The following ZNF518B variants were observed in gnomAD, a reference collection of about 807,000 sequenced individuals.
ZNF518B encodes the protein zinc finger protein 518B.
A neutral mutation model predicts 56.3 loss-of-function variants in ZNF518B; 23 were observed. That is an observed-to-expected ratio of 0.41 (90% CI 0.29 to 0.58). The LOEUF is 0.58. Among genes scored for constraint, ZNF518B ranks in the 20% least tolerant of loss-of-function variants. The pLI is 0.32. For missense variants in ZNF518B, 1,460 were observed against 1,272.1 expected, an observed-to-expected ratio of 1.15 and a Z score of -2.25; for synonymous variants, 529 against 465.9, an observed-to-expected ratio of 1.14 and a Z score of -1.74.
chr4:10,444,115 C>A lies in ZNF518B; in HGVS notation c.2214G>T (p.Gln738His). 1 of 1,614,218 alleles carries A rather than the reference C, an allele frequency of 6.2e-7. No homozygotes were observed. Among genetic ancestry groups the A allele is most frequent in the Non-Finnish European group, 8.5e-7 (1 of 1,180,042 alleles). ...GTGGATATATTTGTTGATGAGTAAG[C>A]TGTCTATTACCAGTAATACCACCAT... ...PNDGGITGNR[Q>H]LTHQQIYPHF... The change falls in exon 3 of 3, where the codon CAG becomes CAT. Residue 738 changes from glutamine to histidine, a missense_variant. Gln to His is a conservative substitution (Grantham distance 24, BLOSUM62 0). Transcript: ENST00000326756.
At chr4:10,454,127 G>A (rs1281739032) in intron 2 of ZNF518B, 1 of 152,192 alleles carries the variant, frequency 6.6e-6, no homozygotes, top group Non-Finnish European at 1.5e-5. Context: ...TAGTAATATC[G>A]ACATCCTTGT....
chr4:10,449,069 T>C (rs1223222156), intron 2 of ZNF518B, among the ~76,000 whole-genome samples: 2 of 152,152 alleles, frequency 1.3e-5, no homozygotes, highest in East Asian at 3.8e-4. Context: ...ATCAATATAG[T>C]CATGTCAACA....
In ZNF518B at chr4:10,445,780, T is replaced by A; in HGVS notation, c.549A>T (p.Lys183Asn). The A allele has an allele frequency of 6.2e-7, 1 of 1,614,216 alleles. No homozygotes were observed. Among genetic ancestry groups the A allele is most frequent in the Non-Finnish European group, 8.5e-7 (1 of 1,180,030 alleles). ...TKGEFQRHLV[K>N]HTGIFPYQCE... ...ACTGATAAGGAAATATGCCTGTGTG[T>A]TTCACCAAATGCCTCTGAAACTCTC... is the stretch of plus-strand genomic sequence containing the variant. Residue 183 changes from lysine (K) to asparagine (N), a missense_variant, in exon 3 of 3, where the codon AAA (lysine) becomes AAT (asparagine). Transcript: ENST00000326756.
In ZNF518B at chr4:10,441,761, GTAGATAAA is replaced by G. The variant is rs1167798043; in HGVS notation, c.*1335_*1342del. ...GCCTTTTTCTAAAGAACACAAATGT[GTAGATAAA>G]TGACAGTCCTGACATCTGTTGGTAG... On this transcript the variant is annotated 3_prime_UTR_variant, in exon 3 of 3. Coordinates refer to ENST00000326756, the MANE Select transcript of ZNF518B (RefSeq NM_053042.3). The G allele has an allele frequency of 6.6e-6, 1 of 152,256 alleles. No homozygotes were observed. Among genetic ancestry groups the G allele is most frequent in the Non-Finnish European group, 1.5e-5 (1 of 68,060 alleles). 9.4% of individuals were successfully genotyped at this position (152,256 alleles called of 1,614,324 possible). A position where few individuals can be genotyped will look rare whatever the true frequency, so the allele number is the denominator to read the frequency against.
At position 10,443,364 on chromosome 4, in the gene ZNF518B, G is replaced by C; in HGVS notation, c.2965C>G (p.His989Asp). The C allele has an allele frequency of 6.2e-7, 1 of 1,614,236 alleles. No homozygotes were observed. The highest frequency in any genetic ancestry group is 1.1e-5 in the South Asian group (1 of 91,086). The stretch of plus-strand genomic sequence containing the variant: ...GCATTCTGGTAGGTCAGGCGTACAT[G>C]ATGCCGTCTGATGCCTAGCTGACAC... ...TRCQLGIRRHHVRLTYQNAEE... is the reference protein window; with the variant it reads ...TRCQLGIRRHDVRLTYQNAEE... The change falls in exon 3 of 3, where the codon CAT becomes GAT. Residue 989 changes from histidine to aspartate, a missense_variant. Transcript: ENST00000326756.
Position 10,446,388 on chromosome 4 carries a change from C to A in ZNF518B, c.-60G>T. The A allele has an allele frequency of 6.7e-7, 1 of 1,494,360 alleles. No individual in the cohort carries two copies. The highest frequency in any genetic ancestry group is 9.2e-7 in the Non-Finnish European group (1 of 1,087,714). 92.6% of individuals were successfully genotyped at this position (1,494,360 alleles called of 1,614,324 possible). On this transcript the variant is annotated 5_prime_UTR_variant, in exon 3 of 3. Coordinates refer to ENST00000326756, the MANE Select transcript of ZNF518B (RefSeq NM_053042.3). The stretch of plus-strand genomic sequence containing the variant: ...TCAGAAAGTTTTCACATGATAAAAT[C>A]CTTAGGAGATATCCTTCTATACAGT...
At position 10,444,719 on chromosome 4, in the gene ZNF518B, C is replaced by A; in HGVS notation, c.1610G>T (p.Cys537Phe). 6.2e-7 allele frequency: 1 copy of A among 1,614,122 alleles called. No homozygotes were observed. The highest frequency in any genetic ancestry group is 8.5e-7 in the Non-Finnish European group (1 of 1,180,006). ...TAAGCCCTTTTCTCCAGAGAAGGAA[C>A]AGGTTGCAGGTGATGCAGCAAATGG... ...LLPFAASPATCSFSGEKGLLP... is the reference protein window; with the variant it reads ...LLPFAASPATFSFSGEKGLLP... The change falls in exon 3 of 3, where the codon TGT (cysteine) becomes TTT (phenylalanine). Residue 537 changes from cysteine to phenylalanine, a missense_variant. Cys to Phe is a radical substitution (Grantham distance 205, BLOSUM62 -2). Coordinates refer to ENST00000326756, the MANE Select transcript of ZNF518B (RefSeq NM_053042.3).
chr4:10,447,132 G>A (rs1715093402), intron 2 of ZNF518B, among the ~76,000 whole-genome samples: 1 of 152,126 alleles, frequency 6.6e-6, no homozygotes, highest in Non-Finnish European at 1.5e-5. Context: ...CTATGTGCTG[G>A]GCATTATTCA....
rs756462159 is a variant in ZNF518B at position 10,440,210 on chromosome 4, T to C, written c.*2894A>G. The stretch of plus-strand genomic sequence containing the variant: ...TCAACAGACAGCAGGTGGCCCTTAA[T>C]GAAGGCTTACAAGATGTTCTCGACT... On this transcript the variant is annotated 3_prime_UTR_variant, in exon 3 of 3. Coordinates refer to ENST00000326756, the MANE Select transcript of ZNF518B (RefSeq NM_053042.3). The C allele has an allele frequency of 6.6e-6, 1 of 152,266 alleles. No individual in the cohort carries two copies. The allele number at this position is 152,266 out of a possible 1,614,324, so 9.4% of individuals were successfully genotyped here.
At position 10,443,159 on chromosome 4, in the gene ZNF518B, C is replaced by T. The variant is rs534874977; in HGVS notation, c.3170G>A (p.Arg1057Gln). The T allele has an allele frequency of 3.7e-6, 6 of 1,614,162 alleles. No individual in the cohort carries two copies. Among genetic ancestry groups the T allele is most frequent in the Admixed American group, 1.7e-5 (1 of 60,006 alleles). The change falls in exon 3 of 3, where the codon CGG becomes CAG. Residue 1057 changes from arginine (R) to glutamine (Q), a missense_variant. By Grantham distance (43) the Arg-to-Gln change is conservative. Transcript: ENST00000326756. ...DQEEWMSHGQ[R>Q]HLIEATRDWD... ...ATCTCTAGTTGCTTCTATCAAATGC[C>T]GTTGGCCATGACTCATCCACTCTTC... is the stretch of plus-strand genomic sequence containing the variant.
intron 2 of ZNF518B, among the ~76,000 whole-genome samples, chr4:10,446,830 A>G (rs560658126): frequency 6.6e-6 from 1 of 152,322 alleles, no homozygotes; most frequent in South Asian, 2.1e-4. Flanking sequence ...TTGGTCAGGG[A>G]AAGTCATTTT....
At chr4:10,457,798 C>CAG (rs753266489), upstream of ZNF518B, among the ~76,000 whole-genome samples, 1 of 152,208 alleles carries the variant, frequency 6.6e-6, no homozygotes, top group Non-Finnish European at 1.5e-5. Context: ...CTCAGGTCCT[C>CAG]AGCCTCCAAA....
In ZNF518B at chr4:10,443,359, T is replaced by C; in HGVS notation, c.2970A>G (p.Val990=). The change falls in exon 3 of 3, where the codon GTA becomes GTG. Residue 990 remains valine (V), a synonymous_variant. Transcript: ENST00000326756. ...CTTCCGCATTCTGGTAGGTCAGGCG[T>C]ACATGATGCCGTCTGATGCCTAGCT... ...RCQLGIRRHH[V]RLTYQNAEEA... The C allele has an allele frequency of 6.2e-7, 1 of 1,614,252 alleles. No individual in the cohort carries two copies. The highest frequency in any genetic ancestry group is 1.1e-5 in the South Asian group (1 of 91,090).
chr4:10,447,803 C>T (rs1431573830), intron 2 of ZNF518B, among the ~76,000 whole-genome samples: 2 of 152,040 alleles, frequency 1.3e-5, no homozygotes, highest in African/African-American at 2.4e-5. Flanking sequence ...GTTTGCACCA[C>T]CATGCCCAGC....
chr4:10,445,743 C>A lies in ZNF518B; in HGVS notation c.586G>T (p.Asp196Tyr). 6.2e-7 allele frequency: 1 copy of A among 1,614,172 alleles called. No individual in the cohort carries two copies. Among genetic ancestry groups the A allele is most frequent in the South Asian group, 1.1e-5 (1 of 91,072 alleles). ...TAATCATTTCTAATAGCACCATAGT[C>A]ACAATACTCACACTGATAAGGAAAT... ...GIFPYQCEYC[D>Y]YGAIRNDYIV... Residue 196 changes from aspartate (D) to tyrosine (Y), a missense_variant, in exon 3 of 3, where the codon GAC (aspartate) becomes TAC (tyrosine). Transcript: ENST00000326756.
upstream of ZNF518B, among the ~76,000 whole-genome samples, chr4:10,459,210 T>A (rs1322880818): frequency 6.6e-6 from 1 of 152,200 alleles, no homozygotes; most frequent in Non-Finnish European, 1.5e-5. Context: ...GACTGTTAAC[T>A]TACTCTTCAG....
intron 2 of ZNF518B, chr4:10,454,007 G>A (rs1715429365): frequency 6.6e-6 from 1 of 152,254 alleles, no homozygotes; most frequent in Admixed American, 6.5e-5. Context: ...GGGAAGAGGT[G>A]GGGATACTGG....
At position 10,441,130 on chromosome 4, in the gene ZNF518B, C is replaced by A. The variant is rs957288698; in HGVS notation, c.*1974G>T. On this transcript the variant is annotated 3_prime_UTR_variant, in exon 3 of 3. Transcript: ENST00000326756. ...TTCATTTTCCAAAAGTGAGATTAGA[C>A]CCTTATAAAAATGTACTTCCAAAAT... is the stretch of plus-strand genomic sequence containing the variant. The A allele has an allele frequency of 6.6e-6, 1 of 152,512 alleles. No homozygotes were observed. The highest frequency in any genetic ancestry group is 1.5e-5 in the Non-Finnish European group (1 of 68,018). The allele number at this position is 152,512 out of a possible 1,614,324, so 9.4% of individuals were successfully genotyped here.
At chr4:10,446,784 GA>G (rs1715077812) in intron 2 of ZNF518B, among the ~76,000 whole-genome samples, 1 of 152,166 alleles carries the variant, frequency 6.6e-6, no homozygotes, top group Non-Finnish European at 1.5e-5. Flanking sequence ...GATATACCAG[GA>G]ACAAGGACAT....
Sources: gnomAD v4.1 joint callset for allele counts (sites outside exome capture counted in the v4.1 genomes callset) on GRCh38, gnomAD v4.1.1 for gene constraint, MANE v1.5 for transcripts, NCBI Gene and HGNC (gene_info 2026-07-23, HGNC 2026-07-21) for gene names.